PNPT1: variants seen among roughly 807,000 people sequenced by gnomAD.
PNPT1 encodes the protein polyribonucleotide nucleotidyltransferase 1, mitochondrial.
In PNPT1, 53 loss-of-function variants were observed where a neutral mutation model predicts 119.5. The ratio of observed to expected loss-of-function variants is 0.44; its 90% CI spans 0.36 to 0.56. The LOEUF (loss-of-function observed/expected upper bound fraction) is 0.56, where lower values mean the gene tolerates loss of function less well. Among genes scored for constraint, PNPT1 ranks in the 20% least tolerant of loss-of-function variants. The probability of loss-of-function intolerance (pLI) is 0.00; values close to 1 mark genes in which losing one functional copy is unlikely to be tolerated. For missense variants in PNPT1, 948 were observed against 938.5 expected, an observed-to-expected ratio of 1.01 and a Z score of -0.13; for synonymous variants, 357 against 322.1, an observed-to-expected ratio of 1.11 and a Z score of -1.16.
At chr2:55,680,576 G>A in intron 7 of PNPT1, 136 bp downstream of exon 7, 1 of 786,314 alleles carries the variant, frequency 1.3e-6, no homozygotes, top group Non-Finnish European at 2.0e-6. Context: ...CCTGAAAGGA[G>A]ACTTAGAACG....
chr2:55,687,955 T>C (rs554086139), intron 1 of PNPT1, among the ~76,000 whole-genome samples: 2 of 152,254 alleles, frequency 1.3e-5, no homozygotes, highest in African/African-American at 4.8e-5. Flanking sequence ...GTTCAGAAGT[T>C]AACTGCTTCC....
intron 5 of PNPT1, among the ~76,000 whole-genome samples, chr2:55,682,718 G>A (rs1026021825): frequency 6.6e-6 from 1 of 151,968 alleles, no homozygotes; most frequent in Non-Finnish European, 1.5e-5. Flanking sequence ...GACCAGCCTG[G>A]CTTACATAGT....
chr2:55,645,617 G>C (rs1695972312), intron 21 of PNPT1, among the ~76,000 whole-genome samples, 185 bp from the exon 22 acceptor site: 1 of 152,122 alleles, frequency 6.6e-6, no homozygotes, highest in Non-Finnish European at 1.5e-5. Flanking sequence ...AAATAGAGTT[G>C]TTTAATTTGT....
At chr2:55,660,660 C>A (rs1696536674) in intron 14 of PNPT1, among the ~76,000 whole-genome samples, 1 of 152,164 alleles carries the variant, frequency 6.6e-6, no homozygotes, top group Admixed American at 6.5e-5. Flanking sequence ...CTTCAGAGGA[C>A]TAAAGGAATC....
intron 27 of PNPT1, 142 bp downstream of exon 27, chr2:55,637,409 GC>G: frequency 1.3e-6 from 1 of 763,566 alleles, no homozygotes; most frequent in Non-Finnish European, 2.2e-6. Context: ...GTCTGTTCAA[GC>G]AATTCTAAGA....
At chr2:55,685,263 C>T (rs1239863824) in intron 3 of PNPT1, among the ~76,000 whole-genome samples, 4 of 152,148 alleles carry the variant, frequency 2.6e-5, no homozygotes, top group South Asian at 2.1e-4. Context: ...CAGTGGCTCA[C>T]GCCTGTAATC....
chr2:55,653,099 C>A (rs1242961607), intron 18 of PNPT1, among the ~76,000 whole-genome samples: 1 of 152,226 alleles, frequency 6.6e-6, no homozygotes, highest in African/African-American at 2.4e-5. Context: ...CCACCCACCT[C>A]AGGCTCCCAA....
chr2:55,661,124 G>C (rs1696557676), intron 14 of PNPT1, among the ~76,000 whole-genome samples: 1 of 123,912 alleles, frequency 8.1e-6, no homozygotes, highest in South Asian at 2.5e-4. Context: ...TTGAGACAGA[G>C]TCTCGCTCTG....
intron 8 of PNPT1, among the ~76,000 whole-genome samples, chr2:55,676,732 C>T (rs547049659): frequency 9.9e-5 from 15 of 151,962 alleles, no homozygotes; most frequent in Non-Finnish European, 1.3e-4. Context: ...TGTGGTGGTG[C>T]ACGCCTGTAA....
At chr2:55,687,881 T>C (rs1204267207) in intron 1 of PNPT1, among the ~76,000 whole-genome samples, 176 bp from the exon 2 acceptor site, 1 of 151,908 alleles carries the variant, frequency 6.6e-6, no homozygotes, top group Non-Finnish European at 1.5e-5. Flanking sequence ...AATTTAAGAG[T>C]GGCTTAAAGA....
Position 55,644,639 on chromosome 2 carries a change from G to C in PNPT1, c.1904C>G (p.Thr635Arg). The change falls in exon 23 of 28, where the codon ACA becomes AGA. Residue 635 changes from threonine (T) to arginine (R), a missense_variant and splice_region_variant. Physicochemically the swap from Thr to Arg is moderately conservative, Grantham distance 71. Coordinates refer to ENST00000447944, the MANE Select transcript of PNPT1 (RefSeq NM_033109.5). ...CCCAAACTTCATACAACTCTTACCT[G>C]TTTCAGCCTGAAGTTTTTTTAAGTT... is the stretch of plus-strand genomic sequence containing the variant. Reference protein sequence around the residue: ...GYNLKKLQAETGVTISQVDEE... With the variant: ...GYNLKKLQAERGVTISQVDEE... The C allele has an allele frequency of 6.2e-7, 1 of 1,603,754 alleles. No homozygotes were observed. The highest frequency in any genetic ancestry group is 1.1e-5 in the South Asian group (1 of 90,716).
chr2:55,654,737 AT>A (rs985658819), intron 18 of PNPT1, among the ~76,000 whole-genome samples, 162 bp downstream of exon 18: 6 of 150,800 alleles, frequency 4.0e-5, no homozygotes, highest in East Asian at 1.9e-4. Context: ...AAAGGTTAGC[AT>A]TTTTTTTTAA....
intron 8 of PNPT1, among the ~76,000 whole-genome samples, chr2:55,673,354 T>C (rs1020640755): frequency 3.3e-5 from 5 of 151,748 alleles, no homozygotes; most frequent in Admixed American, 3.3e-4. Context: ...AAAAAAGAAA[T>C]CATGCACATA....
intron 1 of PNPT1, among the ~76,000 whole-genome samples, chr2:55,689,043 C>T (rs1464307235): frequency 6.6e-6 from 1 of 152,048 alleles, no homozygotes; most frequent in Non-Finnish European, 1.5e-5. Flanking sequence ...ACTTGGGCCA[C>T]ACAAAGTCTT....
At chr2:55,662,267 G>A (rs958995673) in intron 13 of PNPT1, among the ~76,000 whole-genome samples, 1 of 152,170 alleles carries the variant, frequency 6.6e-6, no homozygotes, top group African/African-American at 2.4e-5. Flanking sequence ...CACTGCTCTA[G>A]GAGTGCTGGG....
chr2:55,649,120 A>C (rs912636413), intron 18 of PNPT1, among the ~76,000 whole-genome samples: 2 of 152,134 alleles, frequency 1.3e-5, no homozygotes, highest in African/African-American at 4.8e-5. Flanking sequence ...CTCCAGCTAA[A>C]TGTCCCCAAA....
At chr2:55,676,530 G>A (rs140914224) in intron 8 of PNPT1, among the ~76,000 whole-genome samples, 102 of 152,290 alleles carry the variant, frequency 6.7e-4, no homozygotes, top group African/African-American at 2.4e-3. Context: ...TGACAGCATG[G>A]AGTAACTATT....
chr2:55,686,783 C>T (rs1395594125), intron 2 of PNPT1, among the ~76,000 whole-genome samples: 1 of 152,156 alleles, frequency 6.6e-6, no homozygotes, highest in Non-Finnish European at 1.5e-5. Context: ...AAAAGCACAA[C>T]AGAATTTATT....
intron 26 of PNPT1, 37 bp from the exon 27 acceptor site, chr2:55,637,636 A>C: frequency 6.7e-7 from 1 of 1,496,874 alleles, no homozygotes; most frequent in Non-Finnish European, 9.3e-7. Flanking sequence ...GTTGTTGTGC[A>C]TAATTATGTA....
Sources: allele counts gnomAD v4.1 joint callset (sites outside exome capture counted in the v4.1 genomes callset), GRCh38; gene constraint gnomAD v4.1.1; transcripts MANE v1.5; gene names NCBI Gene and HGNC (gene_info 2026-07-23, HGNC 2026-07-21).